The following NKAIN3 variants were observed in gnomAD, a reference collection of about 807,000 sequenced individuals.
NKAIN3 encodes sodium/potassium-transporting ATPase subunit beta-1-interacting protein 3.
Under a neutral mutation model 30.2 loss-of-function variants are expected in NKAIN3, and 25 were observed. The observed-to-expected ratio is 0.83, with a 90% CI of 0.60 to 1.16. The LOEUF is 1.16. NKAIN3 is among the 50% of genes most tolerant of loss of function. The pLI, the probability that NKAIN3 is intolerant of heterozygous loss-of-function variation, is 0.00. For synonymous variants in NKAIN3, 91 were observed against 89.6 expected, an observed-to-expected ratio of 1.02 and a Z score of -0.09; for missense variants, 225 against 254.1, an observed-to-expected ratio of 0.89 and a Z score of 0.78.
intron 5 of NKAIN3, among the ~76,000 whole-genome samples, chr8:62,992,581 A>G (rs1412133916): frequency 2.0e-5 from 3 of 151,490 alleles, no homozygotes; most frequent in Non-Finnish European, 2.9e-5. Context: ...GTGTTCCCTC[A>G]CCCTCACCCA....
intron 1 of NKAIN3, among the ~76,000 whole-genome samples, chr8:62,307,286 T>A (rs1299621385): frequency 1.4e-5 from 2 of 147,036 alleles, no homozygotes; most frequent in South Asian, 2.1e-4. Flanking sequence ...AAAAAAAAAA[T>A]TCTGAAAGTC....
At chr8:62,737,805 A>G (rs1402405951) in intron 3 of NKAIN3, among the ~76,000 whole-genome samples, 1 of 152,152 alleles carries the variant, frequency 6.6e-6, no homozygotes, top group Non-Finnish European at 1.5e-5. Context: ...ACCCCCTTCA[A>G]TTAGGGCACA....
At chr8:62,485,427 C>T (rs1232943655) in intron 1 of NKAIN3, among the ~76,000 whole-genome samples, 1 of 152,150 alleles carries the variant, frequency 6.6e-6, no homozygotes, top group Non-Finnish European at 1.5e-5. Flanking sequence ...GTTAAAAAAA[C>T]ACCCATTTAT....
At chr8:62,546,319 G>A (rs1431144607) in intron 1 of NKAIN3, among the ~76,000 whole-genome samples, 1 of 152,064 alleles carries the variant, frequency 6.6e-6, no homozygotes, top group African/African-American at 2.4e-5. Context: ...ATCACCTATG[G>A]GGACAAAGCT....
In NKAIN3 at chr8:62,461,388, A is replaced by G. The variant is rs551207429; in HGVS notation, c.55-118151A>G. 3.9e-5 allele frequency among the ~76,000 whole-genome samples: 6 copies of G among 152,326 alleles called. No individual in the cohort carries two copies. In the South Asian group the frequency reaches 6.2e-4, roughly 16 times the overall value. Reference sequence around the variant, plus strand: ...GCATTCCCAGAGTTGCCACATTACCATGTTCAAAATATCCAGTTCTTAAAT... The same window carrying G: ...GCATTCCCAGAGTTGCCACATTACCGTGTTCAAAATATCCAGTTCTTAAAT... On this transcript the variant is annotated intron_variant, in intron 1 of 6. Coordinates refer to ENST00000623646, the MANE Select transcript of NKAIN3 (RefSeq NM_001304533.3).
In NKAIN3 at chr8:62,877,420, G is replaced by T. The variant is rs138366009; in HGVS notation, c.472-41033G>T. Among the ~76,000 whole-genome samples, 136 of 152,318 alleles carry T rather than the reference G, an allele frequency of 8.9e-4. 1 individual carries two copies. The Middle Eastern group carries it at 0.02, about 23-fold the overall frequency. On this transcript the variant is annotated intron_variant, in intron 4 of 6. Transcript: ENST00000623646. ...TCAGCTGTAGAGTTGAGGGGAGTGG[G>T]GGTCAGGATCTGAGTCCTTGACTGC...
rs114752598 is a variant in NKAIN3 at position 62,309,515 on chromosome 8, T to G, written c.54+60388T>G. On this transcript the variant is annotated intron_variant, in intron 1 of 6. Transcript: ENST00000623646. ...GTCAGGGCATGCATCATGAAGCTGA[T>G]AGTTAACAGGTTCTAAGTTATATTT... Among the ~76,000 whole-genome samples the G allele has an allele frequency of 5.2e-4, 79 of 150,606 alleles. 5 individuals are homozygous for G. Among genetic ancestry groups the G allele is most frequent in the African/African-American group, 2.0e-3 (78 of 39,980 alleles).
chr8:62,407,315 T>C (rs1804102922), intron 1 of NKAIN3, among the ~76,000 whole-genome samples: 1 of 151,736 alleles, frequency 6.6e-6, no homozygotes, highest in Admixed American at 6.6e-5. Flanking sequence ...GCATGCTTTT[T>C]TTCTATCTTT....
At chr8:62,522,725 T>G (rs1808195712) in intron 1 of NKAIN3, among the ~76,000 whole-genome samples, 1 of 151,786 alleles carries the variant, frequency 6.6e-6, no homozygotes, top group Non-Finnish European at 1.5e-5. Flanking sequence ...TAGAAAAAGC[T>G]TATAAAATAA....
At chr8:62,402,098 T>C (rs1803895464) in intron 1 of NKAIN3, among the ~76,000 whole-genome samples, 1 of 152,192 alleles carries the variant, frequency 6.6e-6, no homozygotes, top group South Asian at 2.1e-4. Flanking sequence ...CTGGTGCTCT[T>C]TTTTTATTGT....
At chr8:62,532,700 G>T (rs142699040) in intron 1 of NKAIN3, among the ~76,000 whole-genome samples, 5 of 152,132 alleles carry the variant, frequency 3.3e-5, no homozygotes, top group Non-Finnish European at 1.5e-5. Flanking sequence ...TTGTTATCCC[G>T]CTCTGCTTCC....
intron 1 of NKAIN3, among the ~76,000 whole-genome samples, chr8:62,326,374 A>T (rs1164442072): frequency 6.6e-6 from 1 of 151,502 alleles, no homozygotes; most frequent in Non-Finnish European, 1.5e-5. Flanking sequence ...CTTACTGGAC[A>T]TTTGTTACTT....
intron 1 of NKAIN3, among the ~76,000 whole-genome samples, chr8:62,544,614 T>G (rs1808950569): frequency 6.6e-6 from 1 of 150,582 alleles, no homozygotes; most frequent in Non-Finnish European, 1.5e-5. Context: ...TAGATTCCCC[T>G]TTCAGCCCTA....
intron 1 of NKAIN3, among the ~76,000 whole-genome samples, chr8:62,249,340 G>T (rs1396197565): frequency 6.6e-6 from 1 of 152,108 alleles, no homozygotes; most frequent in African/African-American, 2.4e-5. Context: ...AGGAGGGCGC[G>T]GTCTCACCCC....
At chr8:62,866,594 A>G (rs1401621964) in intron 4 of NKAIN3, among the ~76,000 whole-genome samples, 1 of 152,206 alleles carries the variant, frequency 6.6e-6, no homozygotes, top group Non-Finnish European at 1.5e-5. Flanking sequence ...CAGTGGATTC[A>G]ATGTCTTTTT....
chr8:62,740,741 A>G (rs2130568268), intron 3 of NKAIN3, among the ~76,000 whole-genome samples: 1 of 152,258 alleles, frequency 6.6e-6, no homozygotes, highest in South Asian at 2.1e-4. Context: ...AATGAACAAC[A>G]TTTCAAATAA....
chr8:62,729,046 A>AAAAAAAAAAAC (rs1815380744), intron 3 of NKAIN3, among the ~76,000 whole-genome samples: 2 of 139,400 alleles, frequency 1.4e-5, no homozygotes, highest in African/African-American at 5.3e-5. Flanking sequence ...AAAACAAAAA[A>AAAAAAAAAAAC]AAAAAACCTC....
At chr8:62,964,537 A>AGAGT (rs1386858813) in intron 6 of NKAIN3, among the ~76,000 whole-genome samples, 2,520 of 133,156 alleles carry the variant, frequency 0.019, 50 homozygotes, top group East Asian at 0.046. Context: ...AGAGAGAGAG[A>AGAGT]GTGTGTGTGT....
intron 4 of NKAIN3, among the ~76,000 whole-genome samples, chr8:62,846,997 G>A (rs555252030): frequency 2.0e-5 from 3 of 152,076 alleles, no homozygotes; most frequent in Admixed American, 6.6e-5. Context: ...AACTGCCCCC[G>A]TGATTCAATT....
Sources: gnomAD v4.1 joint callset for allele counts (sites outside exome capture counted in the v4.1 genomes callset) on GRCh38, gnomAD v4.1.1 for gene constraint, MANE v1.5 for transcripts, NCBI Gene and HGNC (gene_info 2026-07-23, HGNC 2026-07-21) for gene names.